SSBP3: variants seen among roughly 807,000 people sequenced by gnomAD.
SSBP3 encodes the protein single-stranded DNA-binding protein 3.
A neutral mutation model predicts 69.6 loss-of-function variants in SSBP3; 5 were observed. The ratio of observed to expected loss-of-function variants is 0.07; its 90% CI spans 0.04 to 0.15. SSBP3 has a LOEUF of 0.15. Among genes scored for constraint, SSBP3 ranks in the 10% least tolerant of loss-of-function variants. The pLI, the probability that SSBP3 is intolerant of heterozygous loss-of-function variation, is 1.00. For missense variants in SSBP3, 312 were observed against 534.0 expected, an observed-to-expected ratio of 0.58 and a Z score of 4.10; for synonymous variants, 196 against 193.4, an observed-to-expected ratio of 1.01 and a Z score of -0.11.
chr1:54,380,513 G>A (rs1233007068), intron 4 of SSBP3, among the ~76,000 whole-genome samples: 4 of 152,228 alleles, frequency 2.6e-5, no homozygotes, highest in Non-Finnish European at 4.4e-5. Flanking sequence ...AAAAGAAAAC[G>A]GGAGGGGGAA....
At chr1:54,302,318 ATTTTT>A (rs10686460) in intron 4 of SSBP3, among the ~76,000 whole-genome samples, 11 of 144,714 alleles carry the variant, frequency 7.6e-5, no homozygotes, top group African/African-American at 2.8e-4. Context: ...TCTGAGCATA[ATTTTT>A]TTTTTTTTTT....
At chr1:54,256,731 G>C (rs1644928326) in intron 7 of SSBP3, among the ~76,000 whole-genome samples, 1 of 152,122 alleles carries the variant, frequency 6.6e-6, no homozygotes, top group African/African-American at 2.4e-5. Context: ...ATTCTCAAAA[G>C]CTTCCAGGAA....
chr1:54,241,991 C>T (rs1391477643), intron 11 of SSBP3, among the ~76,000 whole-genome samples, 173 bp downstream of exon 11: 1 of 152,104 alleles, frequency 6.6e-6, no homozygotes, highest in East Asian at 1.9e-4. Context: ...CCTTGATGAC[C>T]CCTGCACATT....
intron 4 of SSBP3, among the ~76,000 whole-genome samples, chr1:54,370,318 C>T (rs1308777214): frequency 6.6e-6 from 1 of 152,156 alleles, no homozygotes; most frequent in Non-Finnish European, 1.5e-5. Context: ...TCTGTGACTC[C>T]GATGACAACA....
intron 14 of SSBP3, 40 bp from the exon 15 acceptor site, chr1:54,228,866 T>G (rs763092887): frequency 1.3e-4 from 208 of 1,589,326 alleles, no homozygotes; most frequent in Non-Finnish European, 1.7e-4. Flanking sequence ...CAGCGGGCCC[T>G]GGCCCTCTGC....
intron 5 of SSBP3, among the ~76,000 whole-genome samples, chr1:54,261,698 A>C (rs3820110): frequency 0.42 from 63,203 of 152,032 alleles, 13,269 homozygotes; most frequent in South Asian, 0.48. Flanking sequence ...TCCATTTAGA[A>C]CATCTCCCTC....
At chr1:54,391,289 C>G (rs149273315) in intron 4 of SSBP3, among the ~76,000 whole-genome samples, 16 of 152,348 alleles carry the variant, frequency 1.1e-4, no homozygotes, top group African/African-American at 3.8e-4. Flanking sequence ...TGTTTCCTAT[C>G]ATTTTGCAGA....
intron 4 of SSBP3, among the ~76,000 whole-genome samples, chr1:54,309,212 CCT>C (rs1557518317): frequency 6.6e-6 from 1 of 152,186 alleles, no homozygotes; most frequent in Non-Finnish European, 1.5e-5. Context: ...ACAAACCTGC[CCT>C]CTGGTCTTGG....
chr1:54,232,842 C>T (rs1317499846), intron 14 of SSBP3, among the ~76,000 whole-genome samples: 5 of 152,234 alleles, frequency 3.3e-5, no homozygotes, highest in African/African-American at 4.8e-5. Flanking sequence ...CTTGGCCTCC[C>T]GAGGTGCCGG....
At chr1:54,350,757 ACC>A (rs1646768911) in intron 4 of SSBP3, among the ~76,000 whole-genome samples, 1 of 152,164 alleles carries the variant, frequency 6.6e-6, no homozygotes, top group Admixed American at 6.5e-5. Context: ...GAGAACCCAC[ACC>A]ATGACCATCC....
At chr1:54,322,930 C>T (rs1305387201) in intron 4 of SSBP3, among the ~76,000 whole-genome samples, 3 of 152,298 alleles carry the variant, frequency 2.0e-5, no homozygotes, top group East Asian at 3.9e-4. Flanking sequence ...AATAAAAAGC[C>T]GTAATTGTCC....
At chr1:54,411,891 C>CAA (rs71066917) in intron 1 of SSBP3, among the ~76,000 whole-genome samples, 33,006 of 87,462 alleles carry the variant, frequency 0.38, 6,104 homozygotes, top group South Asian at 0.52. Flanking sequence ...GACTCCGTCT[C>CAA]AAAAAAAAAA....
intron 4 of SSBP3, among the ~76,000 whole-genome samples, chr1:54,363,532 C>T (rs2100644163): frequency 6.6e-6 from 1 of 152,268 alleles, no homozygotes; most frequent in South Asian, 2.1e-4. Flanking sequence ...CTCTACGCCC[C>T]TTACTCTCAC....
At chr1:54,230,773 G>A (rs1200816946) in intron 14 of SSBP3, among the ~76,000 whole-genome samples, 1 of 152,180 alleles carries the variant, frequency 6.6e-6, no homozygotes, top group Non-Finnish European at 1.5e-5. Flanking sequence ...AATCACGTGA[G>A]CTTTTGTGGC....
intron 1 of SSBP3, 87 bp from the exon 2 acceptor site, chr1:54,405,017 G>T: frequency 8.3e-7 from 1 of 1,210,282 alleles, no homozygotes; most frequent in Non-Finnish European, 1.2e-6. Flanking sequence ...CAGGCTTTGA[G>T]CCCTGTCTGC....
chr1:54,379,501 C>T (rs906324451), intron 4 of SSBP3, among the ~76,000 whole-genome samples: 4 of 152,172 alleles, frequency 2.6e-5, no homozygotes, highest in Non-Finnish European at 4.4e-5. Flanking sequence ...TTCACTGAGA[C>T]GCTTGATTTG....
At chr1:54,281,337 T>C (rs1369768701) in intron 5 of SSBP3, 101 bp downstream of exon 5, 3 of 916,188 alleles carry the variant, frequency 3.3e-6, no homozygotes, top group Admixed American at 2.7e-5. Context: ...ATTTAGACCA[T>C]GGCAAACTGA....
intron 4 of SSBP3, among the ~76,000 whole-genome samples, chr1:54,370,407 G>A (rs974949344): frequency 2.6e-5 from 4 of 152,258 alleles, no homozygotes; most frequent in South Asian, 2.1e-4. Context: ...TTCTGAACCC[G>A]GGTTGGCAGA....
chr1:54,262,432 A>G (rs12031078), intron 5 of SSBP3, among the ~76,000 whole-genome samples: 3,456 of 152,214 alleles, frequency 0.023, 125 homozygotes, highest in East Asian at 0.11. Flanking sequence ...CAAAGGGCAA[A>G]GTGGAATGAA....
Sources: gnomAD v4.1 joint callset for allele counts (sites outside exome capture counted in the v4.1 genomes callset) on GRCh38, gnomAD v4.1.1 for gene constraint, MANE v1.5 for transcripts, NCBI Gene and HGNC (gene_info 2026-07-23, HGNC 2026-07-21) for gene names.